The following TMEM116 variants were observed in gnomAD, a reference collection of about 807,000 sequenced individuals.
The protein encoded by TMEM116 is transmembrane protein 116.
In TMEM116, 38 loss-of-function variants were observed where a neutral mutation model predicts 44.3. The observed-to-expected ratio is 0.86, with a 90% CI of 0.66 to 1.12. TMEM116 has a LOEUF of 1.12. TMEM116 is among the 50% of genes most tolerant of loss of function. The pLI is 0.00. For synonymous variants in TMEM116, 132 were observed against 144.8 expected (o/e 0.91, Z 0.64); for missense variants, 354 against 401.7 (o/e 0.88, Z 1.01).
At chr12:111,999,029 C>A (rs2077084163) in intron 3 of TMEM116, among the ~76,000 whole-genome samples, 1 of 151,950 alleles carries the variant, frequency 6.6e-6, no homozygotes, top group South Asian at 2.1e-4. Flanking sequence ...AAAAATTCTA[C>A]CCCTCCTATG....
intron 4 of TMEM116, among the ~76,000 whole-genome samples, chr12:111,982,650 A>G (rs1187515910): frequency 6.6e-6 from 1 of 151,928 alleles, no homozygotes; most frequent in African/African-American, 2.4e-5. Context: ...CAATCAATCA[A>G]TCAATCAGGA....
intron 4 of TMEM116, among the ~76,000 whole-genome samples, chr12:111,990,153 G>T (rs1258768232): frequency 1.3e-5 from 2 of 151,878 alleles, no homozygotes; most frequent in Non-Finnish European, 2.9e-5. Flanking sequence ...TACTTGAGAG[G>T]CTGAGGCAGG....
intron 4 of TMEM116, among the ~76,000 whole-genome samples, chr12:111,956,337 G>C (rs1361612025): frequency 1.3e-5 from 2 of 152,090 alleles, no homozygotes; most frequent in African/African-American, 2.4e-5. Context: ...AAAAATATTC[G>C]TGTGTCCTGA....
rs182300775 is a variant in TMEM116 at position 111,972,751 on chromosome 12, T to A, written c.210+19007A>T. ...AAAATTAGCCAGGTGTGGTGGCGTG[T>A]GCCTATAATCCCAGCTACTCGGGAG... On this transcript the variant is annotated intron_variant, in intron 4 of 10. Coordinates refer to ENST00000552374, the MANE Select transcript of TMEM116 (RefSeq NM_001193531.2). 7.3e-4 allele frequency among the ~76,000 whole-genome samples: 110 copies of A among 151,004 alleles called. 1 individual carries two copies. The highest frequency in any genetic ancestry group is 2.6e-3 in the African/African-American group (108 of 41,084).
intron 1 of TMEM116, among the ~76,000 whole-genome samples, chr12:112,006,836 A>G (rs2077607380): frequency 6.6e-6 from 1 of 152,392 alleles, no homozygotes; most frequent in South Asian, 2.1e-4. Context: ...AATTTCATAT[A>G]GTCTACAAAT....
chr12:111,943,637 C>A (rs930159914), intron 4 of TMEM116, among the ~76,000 whole-genome samples: 4 of 152,122 alleles, frequency 2.6e-5, no homozygotes, highest in African/African-American at 7.2e-5. Context: ...CAGGTTCAAG[C>A]GATTCTCCTG....
chr12:111,995,231 T>A (rs1186360722), intron 3 of TMEM116, among the ~76,000 whole-genome samples: 1 of 152,168 alleles, frequency 6.6e-6, no homozygotes, highest in Non-Finnish European at 1.5e-5. Context: ...GATACTGTGG[T>A]ACTAGTACAG....
chr12:112,003,655 T>C, intron 3 of TMEM116, 145 bp downstream of exon 3: 1 of 1,167,444 alleles, frequency 8.6e-7, no homozygotes, highest in Non-Finnish European at 1.1e-6. Context: ...CTACTGACCA[T>C]GCCAAAAATA....
chr12:112,002,564 CAA>C (rs11318946), intron 3 of TMEM116, among the ~76,000 whole-genome samples: 30 of 107,376 alleles, frequency 2.8e-4, no homozygotes, highest in Admixed American at 3.2e-4. Context: ...GACTCCATCT[CAA>C]AAAAAAAAAA....
chr12:111,935,090 C>T (rs1332803815), intron 8 of TMEM116: 2 of 152,074 alleles, frequency 1.3e-5, no homozygotes, highest in Non-Finnish European at 2.9e-5. Flanking sequence ...AGTTCACCAT[C>T]TGTTGATTTA....
At chr12:111,989,904 C>A (rs950871342) in intron 4 of TMEM116, among the ~76,000 whole-genome samples, 4 of 152,142 alleles carry the variant, frequency 2.6e-5, no homozygotes, top group Non-Finnish European at 4.4e-5. Flanking sequence ...ACTGATCAAG[C>A]TGTACACCAT....
chr12:111,994,286 G>GA (rs1174318502), intron 3 of TMEM116, among the ~76,000 whole-genome samples: 4 of 151,108 alleles, frequency 2.6e-5, no homozygotes, highest in East Asian at 1.9e-4. Flanking sequence ...AGACACTCTT[G>GA]AAAAAAAAAG....
chr12:111,967,609 G>C (rs921665500), intron 4 of TMEM116, among the ~76,000 whole-genome samples: 1 of 151,830 alleles, frequency 6.6e-6, no homozygotes, highest in African/African-American at 2.4e-5. Flanking sequence ...ATCTGTCCCT[G>C]AGTTTTAGTA....
intron 4 of TMEM116, among the ~76,000 whole-genome samples, chr12:111,964,794 C>T (rs1293844414): frequency 6.6e-6 from 1 of 152,026 alleles, no homozygotes; most frequent in Non-Finnish European, 1.5e-5. Context: ...TGCAAGTGAT[C>T]CTCTCACTTC....
intron 10 of TMEM116, among the ~76,000 whole-genome samples, chr12:111,932,334 A>G (rs2071721039): frequency 6.6e-6 from 1 of 152,180 alleles, no homozygotes; most frequent in Non-Finnish European, 1.5e-5. Context: ...ATTCCTTAAA[A>G]ACACATCAGT....
chr12:111,944,454 G>A (rs2073093188), intron 4 of TMEM116, among the ~76,000 whole-genome samples: 2 of 152,112 alleles, frequency 1.3e-5, no homozygotes, highest in South Asian at 2.1e-4. Flanking sequence ...GGTTGAGATC[G>A]AGATTATCCT....
intron 5 of TMEM116, among the ~76,000 whole-genome samples, chr12:111,939,880 CTGTGTGTGTGTGTGTGTGTGTGTGTG>C (rs61322648): frequency 6.9e-5 from 9 of 130,464 alleles, no homozygotes; most frequent in Admixed American, 7.7e-5. Flanking sequence ...CTTCAAAGCT[CTGTGTGTGTGTGTGTGTGTGTGTGTG>C]TGTGTGTGTG....
chr12:111,972,461 C>T (rs1391765628), intron 4 of TMEM116, among the ~76,000 whole-genome samples: 2 of 152,174 alleles, frequency 1.3e-5, no homozygotes, highest in Non-Finnish European at 2.9e-5. Flanking sequence ...TAAACTTAAA[C>T]AATACTATCA....
chr12:111,960,715 G>A (rs1414707968), intron 4 of TMEM116, among the ~76,000 whole-genome samples: 4 of 151,996 alleles, frequency 2.6e-5, no homozygotes, highest in Non-Finnish European at 4.4e-5. Flanking sequence ...AATGCCCACA[G>A]GAGGAAGCAA....
Sources: allele counts gnomAD v4.1 joint callset (sites outside exome capture counted in the v4.1 genomes callset), GRCh38; gene constraint gnomAD v4.1.1; transcripts MANE v1.5; gene names NCBI Gene and HGNC (gene_info 2026-07-23, HGNC 2026-07-21).